The following DNM3 variants were observed in gnomAD, a reference collection of about 807,000 sequenced individuals.
The protein encoded by DNM3 is dynamin-3.
In DNM3, 47 loss-of-function variants were observed where a neutral mutation model predicts 101.6. The ratio of observed to expected loss-of-function variants is 0.46; its 90% CI spans 0.37 to 0.59. DNM3 has a LOEUF of 0.59. DNM3 is among the 20% of genes least tolerant of loss of function. DNM3 has a pLI of 0.00. For missense variants in DNM3, 849 were observed against 1,085.7 expected (o/e 0.78, Z 3.06); for synonymous variants, 385 against 387.9 (o/e 0.99, Z 0.09).
intron 15 of DNM3, among the ~76,000 whole-genome samples, chr1:172,286,551 T>C (rs1472104875): frequency 1.3e-5 from 2 of 152,216 alleles, no homozygotes; most frequent in Non-Finnish European, 1.5e-5. Flanking sequence ...ATGAAGCTAA[T>C]ACGTTGTACT....
chr1:172,144,591 T>C (rs368303338), intron 14 of DNM3: 1 of 533,738 alleles, frequency 1.9e-6, no homozygotes, highest in African/African-American at 1.9e-5. Context: ...GGCATTGTCC[T>C]GAACAGGTAG....
At chr1:172,391,390 C>T (rs763395641) in intron 20 of DNM3, among the ~76,000 whole-genome samples, 1 of 152,054 alleles carries the variant, frequency 6.6e-6, no homozygotes, top group African/African-American at 2.4e-5. Flanking sequence ...GTCAGGATCC[C>T]CATGCCTGTT....
intron 2 of DNM3, among the ~76,000 whole-genome samples, chr1:171,939,545 G>T (rs1360331516): frequency 4.6e-5 from 7 of 152,138 alleles, no homozygotes; most frequent in Admixed American, 3.9e-4. Context: ...TCTGCTAAAA[G>T]AGATCGGATG....
chr1:172,417,032 C>T (rs1300805341), downstream of DNM3, among the ~76,000 whole-genome samples: 1 of 152,054 alleles, frequency 6.6e-6, no homozygotes, highest in Non-Finnish European at 1.5e-5. Flanking sequence ...GTCAGTTTGG[C>T]TCCACTAACA....
intron 14 of DNM3, among the ~76,000 whole-genome samples, chr1:172,195,914 C>T (rs1336915603): frequency 6.6e-6 from 1 of 150,978 alleles, no homozygotes; most frequent in Non-Finnish European, 1.5e-5. Context: ...TTCATTTAAA[C>T]TTCTATTTTA....
chr1:172,201,735 C>T (rs1212203146), intron 14 of DNM3, among the ~76,000 whole-genome samples: 1 of 152,222 alleles, frequency 6.6e-6, no homozygotes, highest in South Asian at 2.1e-4. Context: ...TTTCAGTTGC[C>T]CCTGGGGGCC....
intron 1 of DNM3, among the ~76,000 whole-genome samples, chr1:171,919,313 C>G (rs577674307): frequency 5.9e-5 from 9 of 152,300 alleles, no homozygotes; most frequent in African/African-American, 1.9e-4. Context: ...CCTGGCCCCC[C>G]ACCCTCTGAC....
intron 17 of DNM3, among the ~76,000 whole-genome samples, chr1:172,347,412 T>A (rs2066995952): frequency 6.6e-6 from 1 of 152,102 alleles, no homozygotes; most frequent in Non-Finnish European, 1.5e-5. Context: ...AGTTACTAGG[T>A]ACAGAAATAA....
At chr1:171,952,769 G>A (rs1247891492) in intron 2 of DNM3, among the ~76,000 whole-genome samples, 1 of 152,170 alleles carries the variant, frequency 6.6e-6, no homozygotes, top group Non-Finnish European at 1.5e-5. Context: ...ATGAATCAAT[G>A]AATAACTTAT....
At chr1:171,989,185 G>T in intron 4 of DNM3, 37 bp downstream of exon 4, 1 of 1,582,042 alleles carries the variant, frequency 6.3e-7, no homozygotes, top group Admixed American at 1.8e-5. Context: ...AGGAATTAAA[G>T]TGTCAGGAGT....
At chr1:172,259,920 G>A (rs1271505599) in intron 15 of DNM3, among the ~76,000 whole-genome samples, 2 of 151,886 alleles carry the variant, frequency 1.3e-5, no homozygotes, top group Non-Finnish European at 2.9e-5. Flanking sequence ...TCCACTAGTG[G>A]TTTTTATATT....
chr1:172,387,405 C>T (rs888577815), intron 19 of DNM3, 46 bp downstream of exon 19: 5 of 1,524,930 alleles, frequency 3.3e-6, no homozygotes, highest in East Asian at 4.7e-5. Context: ...CTCCTGTAAT[C>T]CCAGCACTTT....
intron 15 of DNM3, chr1:172,289,759 T>C (rs1460076073): frequency 2.0e-6 from 2 of 985,102 alleles, no homozygotes; most frequent in African/African-American, 3.5e-5. Context: ...TAAGGTTGTT[T>C]AGTAAACAGT....
At chr1:171,951,749 T>A (rs1261780093) in intron 2 of DNM3, among the ~76,000 whole-genome samples, 1 of 152,188 alleles carries the variant, frequency 6.6e-6, no homozygotes, top group Non-Finnish European at 1.5e-5. Context: ...CTAAGCTCTG[T>A]AAAACATTTC....
intron 2 of DNM3, among the ~76,000 whole-genome samples, chr1:171,969,456 G>A (rs1392937117): frequency 6.6e-6 from 1 of 152,152 alleles, no homozygotes; most frequent in African/African-American, 2.4e-5. Flanking sequence ...AACAAAAGTT[G>A]TCTTATTATG....
At chr1:172,014,361 T>C (rs1186666230) in intron 4 of DNM3, among the ~76,000 whole-genome samples, 2 of 152,148 alleles carry the variant, frequency 1.3e-5, no homozygotes, top group Non-Finnish European at 2.9e-5. Flanking sequence ...TTAGTTTTGT[T>C]AGAAACTTGC....
intron 1 of DNM3, among the ~76,000 whole-genome samples, chr1:171,891,524 TG>T (rs2037281829): frequency 6.6e-6 from 1 of 152,182 alleles, no homozygotes. Context: ...TTAGCCTGCT[TG>T]CCTTTTTCTA....
chr1:172,144,582 G>A (rs1166145409), intron 14 of DNM3: 1 of 532,744 alleles, frequency 1.9e-6, no homozygotes, highest in African/African-American at 1.9e-5. Context: ...CTGTACAACG[G>A]CATTGTCCTG....
intron 1 of DNM3, among the ~76,000 whole-genome samples, chr1:171,892,413 T>G (rs1460673588): frequency 1.3e-5 from 2 of 152,246 alleles, no homozygotes; most frequent in Admixed American, 1.3e-4. Flanking sequence ...GGAATGTATT[T>G]GCATATACCA....
Sources: gnomAD v4.1 joint callset for allele counts (sites outside exome capture counted in the v4.1 genomes callset) on GRCh38, gnomAD v4.1.1 for gene constraint, MANE v1.5 for transcripts, NCBI Gene and HGNC (gene_info 2026-07-23, HGNC 2026-07-21) for gene names.